The following DNAJC3 variants were observed in gnomAD, a reference collection of about 807,000 sequenced individuals.
DNAJC3 encodes DnaJ heat shock protein family (Hsp40) member C3.
In DNAJC3, 38 loss-of-function variants were observed where a neutral mutation model predicts 68.6. The observed-to-expected ratio is 0.55, with a 90% CI of 0.43 to 0.73. The LOEUF is 0.73. Ranked by LOEUF, DNAJC3 falls within the 30% of genes least tolerant of loss-of-function variation. The pLI, the probability that DNAJC3 is intolerant of heterozygous loss-of-function variation, is 0.00. For synonymous variants in DNAJC3, 203 were observed against 204.0 expected (o/e 1.00, Z 0.04); for missense variants, 526 against 591.9 (o/e 0.89, Z 1.16).
chr13:95,753,962 A>G (rs1363632531), intron 4 of DNAJC3, among the ~76,000 whole-genome samples: 1 of 152,210 alleles, frequency 6.6e-6, no homozygotes, highest in Non-Finnish European at 1.5e-5. Flanking sequence ...GGAAATATTC[A>G]CAGCCCGGTC....
intron 1 of DNAJC3, among the ~76,000 whole-genome samples, chr13:95,691,925 C>G (rs559151072): frequency 1.3e-5 from 2 of 152,186 alleles, no homozygotes; most frequent in African/African-American, 4.8e-5. Context: ...CGTGGCGGCG[C>G]GCGCCTGCAA....
chr13:95,685,117 C>CGG (rs1464992957), intron 1 of DNAJC3, among the ~76,000 whole-genome samples: 2,600 of 152,378 alleles, frequency 0.017, 79 homozygotes, highest in African/African-American at 0.06. Context: ...TGACAGCTTG[C>CGG]ACCATGCACC....
chr13:95,764,057 A>C, intron 9 of DNAJC3, 104 bp downstream of exon 9: 1 of 1,498,732 alleles, frequency 6.7e-7, no homozygotes, highest in Non-Finnish European at 8.9e-7. Flanking sequence ...AGTACCTGGA[A>C]ATGTTGACAA....
intron 2 of DNAJC3, among the ~76,000 whole-genome samples, chr13:95,718,259 A>G (rs546936434): frequency 2.6e-5 from 4 of 152,256 alleles, no homozygotes; most frequent in Non-Finnish European, 5.9e-5. Flanking sequence ...GGTAAAAACT[A>G]AGCATGCATT....
chr13:95,719,083 G>A (rs1881238980), intron 2 of DNAJC3, among the ~76,000 whole-genome samples: 1 of 152,194 alleles, frequency 6.6e-6, no homozygotes, highest in Non-Finnish European at 1.5e-5. Context: ...CAATTAATTT[G>A]CTAGAGCAGC....
chr13:95,746,072 A>C (rs1882296457), intron 4 of DNAJC3, among the ~76,000 whole-genome samples: 1 of 152,200 alleles, frequency 6.6e-6, no homozygotes, highest in Non-Finnish European at 1.5e-5. Flanking sequence ...GTAGTTGGCA[A>C]GTAGGTTTTA....
chr13:95,716,753 C>T (rs2139634335), intron 2 of DNAJC3, among the ~76,000 whole-genome samples: 1 of 152,320 alleles, frequency 6.6e-6, no homozygotes, highest in South Asian at 2.1e-4. Flanking sequence ...CCAGTGTCTG[C>T]TGGTATGCTC....
intron 1 of DNAJC3, among the ~76,000 whole-genome samples, chr13:95,707,202 G>A (rs568882577): frequency 6.6e-6 from 1 of 152,252 alleles, no homozygotes; most frequent in South Asian, 2.1e-4. Flanking sequence ...CCACTGATCT[G>A]ACAGGAAGCA....
intron 4 of DNAJC3, among the ~76,000 whole-genome samples, chr13:95,756,945 T>C (rs1428333562): frequency 6.6e-6 from 1 of 152,160 alleles, no homozygotes; most frequent in East Asian, 1.9e-4. Context: ...ACTGTGGTGA[T>C]GGCTGCACAA....
chr13:95,742,014 G>A (rs1882160486), intron 4 of DNAJC3, among the ~76,000 whole-genome samples: 1 of 152,192 alleles, frequency 6.6e-6, no homozygotes, highest in South Asian at 2.1e-4. Flanking sequence ...GTGCTTGGGT[G>A]GAGGCAGCAG....
intron 9 of DNAJC3, among the ~76,000 whole-genome samples, chr13:95,784,405 A>G (rs1324983406): frequency 6.6e-6 from 1 of 152,178 alleles, no homozygotes; most frequent in Admixed American, 6.5e-5. Context: ...ACCAGGCAGA[A>G]GATTCCAGGA....
rs1882778714 is a variant in DNAJC3, at chr13:95,760,157, A to T, written c.664A>T (p.Thr222Ser). Residue 222 changes from threonine (T) to serine (S), a missense_variant, in exon 6 of 12, where the codon ACT becomes TCT. Transcript: ENST00000602402. ...KAASKLKNDN[T>S]EAFYKISTLY... is the part of the protein sequence containing the mutation. ...TGCGTCAAAGTTGAAGAATGATAAT[A>T]CTGAAGCGTTTTATAAAATAAGCAC... is the stretch of plus-strand genomic sequence containing the variant. 1 of 1,612,600 alleles carries T rather than the reference A, an allele frequency of 6.2e-7. No individual in the cohort carries two copies. Among genetic ancestry groups the T allele is most frequent in the African/African-American group, 1.3e-5 (1 of 75,038 alleles).
At chr13:95,784,031 C>G (rs563980536) in intron 9 of DNAJC3, among the ~76,000 whole-genome samples, 1 of 152,180 alleles carries the variant, frequency 6.6e-6, no homozygotes, top group South Asian at 2.1e-4. Flanking sequence ...TTTCTGGGAA[C>G]CCCTTTGCAT....
chr13:95,769,614 A>T (rs1883106001), intron 9 of DNAJC3, among the ~76,000 whole-genome samples: 1 of 152,202 alleles, frequency 6.6e-6, no homozygotes, highest in Admixed American at 6.5e-5. Flanking sequence ...TGGTTAGAAT[A>T]AATGGCTAGT....
At chr13:95,705,709 T>G (rs1470561342) in intron 1 of DNAJC3, among the ~76,000 whole-genome samples, 1 of 152,024 alleles carries the variant, frequency 6.6e-6, no homozygotes, top group Non-Finnish European at 1.5e-5. Context: ...TGGCTAATTA[T>G]TTTATATTTT....
chr13:95,702,599 T>G (rs1408813738), intron 1 of DNAJC3, among the ~76,000 whole-genome samples: 1 of 152,170 alleles, frequency 6.6e-6, no homozygotes, highest in Non-Finnish European at 1.5e-5. Flanking sequence ...GGAGCTTGTT[T>G]TCCCCTTTCA....
At chr13:95,771,452 C>T (rs2139684477) in intron 9 of DNAJC3, among the ~76,000 whole-genome samples, 1 of 152,154 alleles carries the variant, frequency 6.6e-6, no homozygotes, top group African/African-American at 2.4e-5. Context: ...GGATTTATAA[C>T]CAAGGAGCAG....
At chr13:95,725,935 T>C (rs1881501384) in intron 4 of DNAJC3, among the ~76,000 whole-genome samples, 1 of 151,362 alleles carries the variant, frequency 6.6e-6, no homozygotes, top group South Asian at 2.1e-4. Context: ...TTTGGTTTTT[T>C]GTCCTTGCGA....
intron 2 of DNAJC3, among the ~76,000 whole-genome samples, chr13:95,717,736 CTCTT>C (rs768848611): frequency 1.1e-4 from 16 of 152,208 alleles, no homozygotes; most frequent in Admixed American, 5.2e-4. Context: ...CTCTCATTCT[CTCTT>C]GTCTGCTGCC....
Sources: allele counts gnomAD v4.1 joint callset (sites outside exome capture counted in the v4.1 genomes callset), GRCh38; gene constraint gnomAD v4.1.1; transcripts MANE v1.5; gene names NCBI Gene and HGNC (gene_info 2026-07-23, HGNC 2026-07-21).